Variants in TMC1 observed in about 807,000 individuals in gnomAD.
TMC1 encodes transmembrane channel-like protein 1.
A neutral mutation model predicts 105.8 loss-of-function variants in TMC1; 84 were observed. That is an observed-to-expected ratio of 0.79 (90% CI 0.67 to 0.95). The LOEUF (loss-of-function observed/expected upper bound fraction) is 0.95, where lower values mean the gene tolerates loss of function less well. Among genes scored for constraint, TMC1 ranks in the 40% least tolerant of loss-of-function variants. The pLI, the probability that TMC1 is intolerant of heterozygous loss-of-function variation, is 0.00. For synonymous variants in TMC1, 315 were observed against 311.5 expected (o/e 1.01, Z -0.12); for missense variants, 817 against 914.1 (o/e 0.89, Z 1.37).
At chr9:72,633,397 T>G (rs1368614542) in intron 4 of TMC1, among the ~76,000 whole-genome samples, 1 of 152,192 alleles carries the variant, frequency 6.6e-6, no homozygotes, top group African/African-American at 2.4e-5. Flanking sequence ...ACCCTGAGCT[T>G]CTGCTATAGG....
Position 72,821,005 on chromosome 9 carries a change from A to G in TMC1, c.1927A>G (p.Ile643Val). Residue 643 changes from isoleucine (I) to valine (V), a missense_variant, in exon 20 of 24, where the codon ATC becomes GTC. Ile to Val is a conservative substitution (Grantham distance 29, BLOSUM62 3). Transcript: ENST00000297784. ...CTTCTACCTGGGCATGCTACTGCTC[A>G]TCCTCTTCCTGTCCACAATGCCTGT... ...NNFYLGMLLL[I>V]LFLSTMPVLY... The G allele has an allele frequency of 6.2e-7, 1 of 1,614,140 alleles. No individual in the cohort carries two copies. The highest frequency in any genetic ancestry group is 8.5e-7 in the Non-Finnish European group (1 of 1,180,016).
chr9:72,697,282 C>A (rs554352284), intron 7 of TMC1, among the ~76,000 whole-genome samples: 1 of 152,078 alleles, frequency 6.6e-6, no homozygotes, highest in South Asian at 2.1e-4. Context: ...TTTTGTGCAA[C>A]CTAATTTGCT....
chr9:72,800,461 G>T (rs1468521945), intron 17 of TMC1, among the ~76,000 whole-genome samples: 1 of 152,172 alleles, frequency 6.6e-6, no homozygotes, highest in Non-Finnish European at 1.5e-5. Context: ...GTAGGATCTG[G>T]GCTGGCCACT....
intron 2 of TMC1, among the ~76,000 whole-genome samples, chr9:72,588,508 T>C (rs755443712): frequency 2.0e-5 from 3 of 152,174 alleles, no homozygotes; most frequent in Non-Finnish European, 4.4e-5. Flanking sequence ...CTTGACCACC[T>C]ACTCCCAGCC....
chr9:72,617,192 T>G (rs1825148400), intron 3 of TMC1, among the ~76,000 whole-genome samples: 1 of 152,140 alleles, frequency 6.6e-6, no homozygotes, highest in Non-Finnish European at 1.5e-5. Context: ...GATGGAGTCT[T>G]GCTCTGTTGC....
Position 72,754,318 on chromosome 9 carries a change from C to T in TMC1, c.643-468C>T, listed in dbSNP as rs56671252. ...TGCAAGTGTTCTCACGTTGCAGACA[C>T]CCACAAATTACATGATTGGATTTCC... On this transcript the variant is annotated intron_variant, in intron 11 of 23. Coordinates refer to ENST00000297784, the MANE Select transcript of TMC1 (RefSeq NM_138691.3). 3.6e-3 allele frequency among the ~76,000 whole-genome samples: 546 copies of T among 152,244 alleles called. 1 individual carries two copies. Among genetic ancestry groups the T allele is most frequent in the African/African-American group, 0.012 (516 of 41,546 alleles).
chr9:72,731,274 A>G (rs1188849161), intron 8 of TMC1, among the ~76,000 whole-genome samples: 1 of 152,206 alleles, frequency 6.6e-6, no homozygotes, highest in Admixed American at 6.5e-5. Context: ...GCAATGGTAA[A>G]AATGGACTAG....
At chr9:72,700,845 T>C (rs1423443992) in intron 8 of TMC1, 1 of 211,836 alleles carries the variant, frequency 4.7e-6, no homozygotes, top group African/African-American at 2.3e-5. Context: ...TTATATATAA[T>C]GGTCACAGTC....
chr9:72,696,678 G>A (rs1826556476), intron 7 of TMC1, among the ~76,000 whole-genome samples: 2 of 152,050 alleles, frequency 1.3e-5, no homozygotes, highest in African/African-American at 4.8e-5. Flanking sequence ...ACTATCTTTG[G>A]AGGCAGTTAA....
At position 72,830,744 on chromosome 9, in the gene TMC1, T is replaced by TC. The variant is rs1216312080; in HGVS notation, c.2260+62_2260+63insC. 38 of 1,469,068 alleles carry TC rather than the reference T, an allele frequency of 2.6e-5. No individual in the cohort carries two copies. In the East Asian group the frequency reaches 8.3e-4, roughly 32 times the overall value. 91.0% of individuals were successfully genotyped at this position (1,469,068 alleles called of 1,614,324 possible). A position where few individuals can be genotyped will look rare whatever the true frequency, so the allele number is the denominator to read the frequency against. On this transcript the variant is annotated intron_variant, in intron 23 of 23. Coordinates refer to ENST00000297784, the MANE Select transcript of TMC1 (RefSeq NM_138691.3). ...TTTCTTTTTCTTTTTCTTTCTTTTT[T>TC]TTTTTTTTTTGCTTTTTCTCCATTG...
intron 18 of TMC1, among the ~76,000 whole-genome samples, chr9:72,809,600 G>T (rs1011839908): frequency 6.6e-6 from 1 of 152,182 alleles, no homozygotes; most frequent in African/African-American, 2.4e-5. Context: ...CTTACGTAGA[G>T]GTTGCAAATT....
chr9:72,651,963 G>A (rs1825820748), intron 5 of TMC1, among the ~76,000 whole-genome samples: 1 of 151,964 alleles, frequency 6.6e-6, no homozygotes, highest in Admixed American at 6.6e-5. Flanking sequence ...ATGCCTTTGT[G>A]TCCTCATAAT....
rs115750441 is a variant in TMC1, at chr9:72,768,375, G to A, written c.742-4038G>A. Among the ~76,000 whole-genome samples, 355 of 152,236 alleles carry A rather than the reference G, an allele frequency of 2.3e-3. 3 individuals are homozygous for A. Among genetic ancestry groups the A allele is most frequent in the African/African-American group, 8.1e-3 (335 of 41,542 alleles). On this transcript the variant is annotated intron_variant, in intron 12 of 23. Coordinates refer to ENST00000297784, the MANE Select transcript of TMC1 (RefSeq NM_138691.3). ...CATTAGAAGGAATACCTAATGTAGT[G>A]ACAGGTTGATGGGTGCAGCAAACCA...
At chr9:72,654,475 T>C (rs1041630215) in intron 5 of TMC1, among the ~76,000 whole-genome samples, 1 of 152,158 alleles carries the variant, frequency 6.6e-6, no homozygotes, top group Non-Finnish European at 1.5e-5. Flanking sequence ...TTTTCACTAT[T>C]GGTATATTAT....
intron 1 of TMC1, among the ~76,000 whole-genome samples, chr9:72,541,758 TGATA>T (rs1823682919): frequency 6.6e-6 from 1 of 151,456 alleles, no homozygotes; most frequent in South Asian, 2.1e-4. Flanking sequence ...AGAGGAAGCT[TGATA>T]GATGAAAATT....
rs530579386 is a variant in TMC1, at chr9:72,694,753, TGAA to T, written c.236+45_236+47del. 1.8e-4 allele frequency: 280 copies of T among 1,571,200 alleles called. 2 individuals carry two copies. In the South Asian group the frequency reaches 3.0e-3, roughly 17 times the overall value. On this transcript the variant is annotated intron_variant, in intron 7 of 23. Transcript: ENST00000297784. ...GATATTCTTTCAAAAGTTCCAATGCTGAAGAAGATCACTCCTTTCAGATACTCT... is the reference window on the plus strand; with the variant it reads ...GATATTCTTTCAAAAGTTCCAATGCTGAAGATCACTCCTTTCAGATACTCT...
At chr9:72,720,033 T>A (rs1292009972) in intron 8 of TMC1, among the ~76,000 whole-genome samples, 1 of 152,254 alleles carries the variant, frequency 6.6e-6, no homozygotes, top group African/African-American at 2.4e-5. Flanking sequence ...GTTATTGAGA[T>A]AATTAAATAA....
At chr9:72,664,353 G>A (rs1826010883) in intron 5 of TMC1, among the ~76,000 whole-genome samples, 2 of 152,180 alleles carry the variant, frequency 1.3e-5, no homozygotes, top group African/African-American at 4.8e-5. Context: ...ACAGGAGACA[G>A]GGAAATACTG....
At chr9:72,596,929 C>T (rs1824731018) in intron 2 of TMC1, among the ~76,000 whole-genome samples, 1 of 152,156 alleles carries the variant, frequency 6.6e-6, no homozygotes, top group South Asian at 2.1e-4. Flanking sequence ...AAGTATGTAC[C>T]ATGAAACCTT....
Sources: allele counts gnomAD v4.1 joint callset (sites outside exome capture counted in the v4.1 genomes callset), GRCh38; gene constraint gnomAD v4.1.1; transcripts MANE v1.5; gene names NCBI Gene and HGNC (gene_info 2026-07-23, HGNC 2026-07-21).